The following CNBD1 variants were observed in gnomAD, a reference collection of about 807,000 sequenced individuals.
The protein encoded by CNBD1 is cyclic nucleotide binding domain containing 1.
Under a neutral mutation model 54.4 loss-of-function variants are expected in CNBD1, and 71 were observed. The observed-to-expected ratio is 1.30, with a 90% CI of 1.08 to 1.59. The LOEUF (loss-of-function observed/expected upper bound fraction) is 1.59. Among genes scored for constraint, CNBD1 ranks in the 40% most tolerant of loss-of-function variants. CNBD1 has a pLI of 0.00. For missense variants in CNBD1, 659 were observed against 518.0 expected (o/e 1.27, Z -2.64); for synonymous variants, 182 against 170.7 (o/e 1.07, Z -0.51).
chr8:86,882,062 C>A (rs754084636), intron 1 of CNBD1, among the ~76,000 whole-genome samples: 2 of 152,094 alleles, frequency 1.3e-5, no homozygotes, highest in Non-Finnish European at 2.9e-5. Flanking sequence ...AAATGTAAAA[C>A]TCCAAACTAT....
chr8:86,957,926 T>C (rs902742560), intron 4 of CNBD1, among the ~76,000 whole-genome samples: 1 of 152,228 alleles, frequency 6.6e-6, no homozygotes, highest in Non-Finnish European at 1.5e-5. Context: ...GAAGTTAGGG[T>C]GTCAATTTTA....
chr8:87,240,581 C>T (rs376457091), intron 6 of CNBD1, among the ~76,000 whole-genome samples: 21 of 152,250 alleles, frequency 1.4e-4, no homozygotes, highest in African/African-American at 4.6e-4. Context: ...TCAGCTTATG[C>T]CTTATTGTGC....
At chr8:87,396,533 G>T (rs1301900127) in intron 2 of CNBD1, among the ~76,000 whole-genome samples, 1 of 151,828 alleles carries the variant, frequency 6.6e-6, no homozygotes, top group Non-Finnish European at 1.5e-5. Context: ...GGAATGAGAA[G>T]AATTGACTTT....
intron 4 of CNBD1, among the ~76,000 whole-genome samples, chr8:87,040,203 G>T (rs1164788690): frequency 6.6e-6 from 1 of 152,150 alleles, no homozygotes; most frequent in African/African-American, 2.4e-5. Flanking sequence ...GAGACAGATT[G>T]TTACTGTCTT....
intron 4 of CNBD1, among the ~76,000 whole-genome samples, chr8:87,151,583 A>G (rs1812605182): frequency 6.6e-6 from 1 of 152,172 alleles, no homozygotes; most frequent in South Asian, 2.1e-4. Context: ...GGGCTATTCC[A>G]TGCATATTCT....
chr8:86,937,832 A>T (rs1284360590), intron 3 of CNBD1, among the ~76,000 whole-genome samples: 1 of 152,194 alleles, frequency 6.6e-6, no homozygotes, highest in Admixed American at 6.5e-5. Flanking sequence ...TTGGAGAGTA[A>T]CATTTGGCAC....
At chr8:87,344,205 A>G (rs569166695) in intron 8 of CNBD1, among the ~76,000 whole-genome samples, 1 of 152,144 alleles carries the variant, frequency 6.6e-6, no homozygotes, top group Non-Finnish European at 1.5e-5. Flanking sequence ...TGAACTAGTT[A>G]TTAATGAAAT....
intron 4 of CNBD1, among the ~76,000 whole-genome samples, chr8:87,174,765 T>C (rs1325693540): frequency 6.6e-6 from 1 of 152,244 alleles, no homozygotes; most frequent in Non-Finnish European, 1.5e-5. Context: ...TGTTGTGATC[T>C]AAGCCATGCC....
At chr8:87,060,738 T>TA (rs1810526531) in intron 4 of CNBD1, among the ~76,000 whole-genome samples, 1 of 152,086 alleles carries the variant, frequency 6.6e-6, no homozygotes. Context: ...ACAACTAAAA[T>TA]AAAATTTTTA....
At chr8:87,039,351 TA>T (rs1443808424) in intron 4 of CNBD1, among the ~76,000 whole-genome samples, 1 of 152,192 alleles carries the variant, frequency 6.6e-6, no homozygotes, top group Non-Finnish European at 1.5e-5. Context: ...GTGGATCATA[TA>T]TTTATTCAGT....
intron 6 of CNBD1, among the ~76,000 whole-genome samples, chr8:87,262,319 G>T (rs564197572): frequency 2.0e-5 from 3 of 152,098 alleles, no homozygotes; most frequent in Admixed American, 6.6e-5. Flanking sequence ...CTAATTACAG[G>T]TTTCTTTTTC....
intron 4 of CNBD1, among the ~76,000 whole-genome samples, chr8:87,008,618 G>C (rs1809152149): frequency 6.6e-6 from 1 of 152,154 alleles, no homozygotes; most frequent in South Asian, 2.1e-4. Flanking sequence ...ACAGCTAAAA[G>C]TCTGAGAAGA....
chr8:87,066,341 A>G (rs1387636378), intron 4 of CNBD1, among the ~76,000 whole-genome samples: 1 of 151,930 alleles, frequency 6.6e-6, no homozygotes, highest in Non-Finnish European at 1.5e-5. Flanking sequence ...ACATAGTTAC[A>G]CTACCCCAGT....
chr8:87,409,019 A>C (rs1401691023), intron 2 of CNBD1, among the ~76,000 whole-genome samples: 1 of 152,130 alleles, frequency 6.6e-6, no homozygotes, highest in Non-Finnish European at 1.5e-5. Context: ...TGGCCTCTTA[A>C]GTTTTCAAGT....
intron 8 of CNBD1, among the ~76,000 whole-genome samples, chr8:87,329,300 T>C (rs1290505357): frequency 6.6e-6 from 1 of 152,146 alleles, no homozygotes; most frequent in Non-Finnish European, 1.5e-5. Flanking sequence ...ATTGTCTTGA[T>C]TACTGCAGCT....
At chr8:87,341,087 G>A (rs181464124) in intron 8 of CNBD1, among the ~76,000 whole-genome samples, 14 of 152,198 alleles carry the variant, frequency 9.2e-5, no homozygotes, top group Non-Finnish European at 1.3e-4. Context: ...GGCTTCTCAA[G>A]CCTTTTCTTT....
intron 8 of CNBD1, among the ~76,000 whole-genome samples, chr8:87,337,989 T>G (rs1301612199): frequency 2.0e-5 from 3 of 152,228 alleles, no homozygotes; most frequent in Non-Finnish European, 4.4e-5. Context: ...CTATATTGTC[T>G]TTGACTTTCC....
rs556169318 is a variant in CNBD1 at position 87,149,689 on chromosome 8, A to G, written c.432-56304A>G. Among the ~76,000 whole-genome samples the G allele has an allele frequency of 3.9e-5, 6 of 152,286 alleles. No individual in the cohort carries two copies. In the South Asian group the frequency reaches 1.2e-3, roughly 32 times the overall value. ...AGGGAGTTCATAGACTGACCTACAG[A>G]GCATGACGTGGACTCTTGTAAAGGG... On this transcript the variant is annotated intron_variant, in intron 4 of 10. Coordinates refer to ENST00000518476, the MANE Select transcript of CNBD1 (RefSeq NM_173538.3).
intron 8 of CNBD1, among the ~76,000 whole-genome samples, chr8:87,348,593 C>T (rs1168988816): frequency 6.6e-6 from 1 of 152,120 alleles, no homozygotes; most frequent in South Asian, 2.1e-4. Context: ...AAAGTTGCCT[C>T]GGCATTGTCC....
Sources: allele counts gnomAD v4.1 joint callset (sites outside exome capture counted in the v4.1 genomes callset), GRCh38; gene constraint gnomAD v4.1.1; transcripts MANE v1.5; gene names NCBI Gene and HGNC (gene_info 2026-07-23, HGNC 2026-07-21).